The following WNT7B variants were observed in gnomAD, a reference collection of about 807,000 sequenced individuals.
WNT7B encodes the protein protein Wnt-7b.
In WNT7B, 19 loss-of-function variants were observed where a neutral mutation model predicts 38.2. The observed-to-expected ratio is 0.50, with a 90% confidence interval of 0.35 to 0.73. The LOEUF (loss-of-function observed/expected upper bound fraction) is 0.73. WNT7B is among the 30% of genes least tolerant of loss of function. The pLI, the probability that WNT7B is intolerant of heterozygous loss-of-function variation, is 0.01. For missense variants in WNT7B, 423 were observed against 507.9 expected, an observed-to-expected ratio of 0.83 and a Z score of 1.61; for synonymous variants, 243 against 209.3, an observed-to-expected ratio of 1.16 and a Z score of -1.39.
intron 3 of WNT7B, chr22:45,926,954 G>A: frequency 1.0e-6 from 1 of 985,472 alleles, no homozygotes; most frequent in Non-Finnish European, 1.2e-6. Context: ...GCCAAGACGT[G>A]GGACATGGCC....
At chr22:45,930,356 TA>T (rs1931299522) in intron 3 of WNT7B, among the ~76,000 whole-genome samples, 1 of 152,266 alleles carries the variant, frequency 6.6e-6, no homozygotes, top group African/African-American at 2.4e-5. Flanking sequence ...AGAAGCCCCC[TA>T]GGCTCTGCTG....
At chr22:45,928,821 CCCTACCCGGCCAT>C (rs1348884986) in intron 3 of WNT7B, among the ~76,000 whole-genome samples, 1 of 152,080 alleles carries the variant, frequency 6.6e-6, no homozygotes. Flanking sequence ...ACCAACACCA[CCCTACCCGGCCAT>C]CCTGGCCCTG....
rs375123520 is a variant in WNT7B at position 45,931,188 on chromosome 22, G to A, written c.480C>T (p.Ile160=). Residue 160 remains isoleucine (I), a synonymous_variant, in exon 3 of 4, where the codon ATC becomes ATT. Transcript: ENST00000339464. The part of the protein sequence containing the change: ...GGCSADVRYG[I]DFSRRFVDAR... ...CGTCCACGAAGCGCCGGGAGAAGTC[G>A]ATGCCGTAACGCACGTCGGCCGAGC... 9 of 1,599,610 alleles carry A rather than the reference G, an allele frequency of 5.6e-6. No individual in the cohort carries two copies. The highest frequency in any genetic ancestry group is 7.6e-6 in the Non-Finnish European group (9 of 1,179,740).
chr22:45,949,788 C>T (rs1349964970), intron 2 of WNT7B, 132 bp downstream of exon 2: 2 of 889,378 alleles, frequency 2.2e-6, no homozygotes, highest in Non-Finnish European at 3.4e-6. Flanking sequence ...GAAGGGCTCA[C>T]AGGAAGGCAA....
At chr22:45,937,646 C>T (rs188045388) in intron 2 of WNT7B, among the ~76,000 whole-genome samples, 133 of 152,376 alleles carry the variant, frequency 8.7e-4, no homozygotes, top group African/African-American at 3.2e-3. Flanking sequence ...TGAACCTGTG[C>T]TCACGGGTCT....
chr22:45,948,827 C>CTTTT (rs749735538), intron 2 of WNT7B, among the ~76,000 whole-genome samples: 3 of 90,094 alleles, frequency 3.3e-5, no homozygotes, highest in African/African-American at 1.2e-4. Context: ...CCAAAGATCC[C>CTTTT]TTTTTTTTTT....
chr22:45,946,016 C>T (rs1447810793), intron 2 of WNT7B, among the ~76,000 whole-genome samples: 2 of 152,208 alleles, frequency 1.3e-5, no homozygotes, highest in African/African-American at 4.8e-5. Context: ...CAAGAGCACG[C>T]AGTCGCTGCC....
chr22:45,930,070 A>T (rs986865299), intron 3 of WNT7B, among the ~76,000 whole-genome samples: 3 of 149,488 alleles, frequency 2.0e-5, no homozygotes, highest in African/African-American at 7.4e-5. Flanking sequence ...CTTCTGTGCC[A>T]GGCCCTACTT....
At chr22:45,962,495 T>C (rs963931272) in intron 1 of WNT7B, among the ~76,000 whole-genome samples, 2 of 152,140 alleles carry the variant, frequency 1.3e-5, no homozygotes, top group African/African-American at 4.8e-5. Context: ...CCAGGCAAGA[T>C]TCCAGACCCA....
At chr22:45,949,316 C>A (rs943641452) in intron 2 of WNT7B, among the ~76,000 whole-genome samples, 1 of 151,134 alleles carries the variant, frequency 6.6e-6, no homozygotes, top group Non-Finnish European at 1.5e-5. Context: ...GTCCATCAAA[C>A]CACTCCCCAC....
At chr22:45,967,901 G>A (rs1334672987) in intron 1 of WNT7B, among the ~76,000 whole-genome samples, 1 of 152,178 alleles carries the variant, frequency 6.6e-6, no homozygotes, top group African/African-American at 2.4e-5. Flanking sequence ...GGCCCTGGGA[G>A]ACCCTGATTC....
chr22:45,971,524 C>T (rs955498605), intron 1 of WNT7B, among the ~76,000 whole-genome samples: 2 of 152,318 alleles, frequency 1.3e-5, no homozygotes, highest in Admixed American at 6.5e-5. Flanking sequence ...CTCCCTTGGC[C>T]GAGACAACTG....
Position 45,923,161 on chromosome 22 carries a change from G to A in WNT7B, c.745C>T (p.Pro249Ser). 1 of 1,613,464 alleles carries A rather than the reference G, an allele frequency of 6.2e-7. No individual in the cohort carries two copies. Among genetic ancestry groups the A allele is most frequent in the Non-Finnish European group, 8.5e-7 (1 of 1,180,000 alleles). Residue 249 changes from proline (P) to serine (S), a missense_variant, in exon 4 of 4, where the codon CCC (proline) becomes TCC (serine). By Grantham distance (74) the Pro-to-Ser change is moderately conservative. Coordinates refer to ENST00000339464, the MANE Select transcript of WNT7B (RefSeq NM_058238.3). ...EVVRASRLRQ[P>S]TFLRIKQLRS... The stretch of plus-strand genomic sequence containing the variant: ...AGCTGTTTGATGCGCAGGAAGGTGG[G>A]CTGCCGCAGACGGCTGGCCCGCACC...
chr22:45,925,198 C>T, intron 3 of WNT7B: 3 of 982,434 alleles, frequency 3.1e-6, no homozygotes, highest in Non-Finnish European at 3.6e-6. Flanking sequence ...CCTAGGCTAG[C>T]AGGTGGGTGC....
intron 2 of WNT7B, among the ~76,000 whole-genome samples, chr22:45,947,562 T>C (rs1931826258): frequency 6.6e-6 from 1 of 152,180 alleles, no homozygotes; most frequent in African/African-American, 2.4e-5. Flanking sequence ...GGAGTGAGCC[T>C]GCGGCCAATA....
At chr22:45,962,951 G>A (rs187292743) in intron 1 of WNT7B, among the ~76,000 whole-genome samples, 1 of 152,348 alleles carries the variant, frequency 6.6e-6, no homozygotes, top group East Asian at 1.9e-4. Flanking sequence ...TCTGCGGCTG[G>A]GCCAGCGCCT....
chr22:45,972,219 G>A, intron 1 of WNT7B: 1 of 649,762 alleles, frequency 1.5e-6, no homozygotes, highest in Non-Finnish European at 2.8e-6. Flanking sequence ...AGCGCGCTGC[G>A]CGGCGACAGT....
chr22:45,957,072 C>T (rs1457302895), intron 1 of WNT7B, among the ~76,000 whole-genome samples: 1 of 148,624 alleles, frequency 6.7e-6, no homozygotes, highest in Middle Eastern at 3.3e-3. Context: ...CACCACTGCA[C>T]TCCAGCCTGG....
intron 3 of WNT7B, chr22:45,926,156 T>TC: frequency 3.0e-6 from 3 of 985,370 alleles, no homozygotes; most frequent in Non-Finnish European, 3.6e-6. Context: ...ATCCCTTGGG[T>TC]CAGAGCCTCT....
Sources: allele counts gnomAD v4.1 joint callset (sites outside exome capture counted in the v4.1 genomes callset), GRCh38; gene constraint gnomAD v4.1.1; transcripts MANE v1.5; gene names NCBI Gene and HGNC (gene_info 2026-07-23, HGNC 2026-07-21).